The following GIPR variants were observed in gnomAD, a reference collection of about 807,000 sequenced individuals.
GIPR encodes gastric inhibitory polypeptide receptor, also known as GIP-R.
Under a neutral mutation model 62.2 loss-of-function variants are expected in GIPR, and 74 were observed. The observed-to-expected ratio is 1.19, with a 90% CI of 0.99 to 1.44. The LOEUF (loss-of-function observed/expected upper bound fraction) is 1.44, where lower values mean the gene tolerates loss of function less well. Among genes scored for constraint, GIPR ranks in the 40% most tolerant of loss-of-function variants. The probability of loss-of-function intolerance (pLI) is 0.00; values close to 1 mark genes in which losing one functional copy is unlikely to be tolerated. For synonymous variants in GIPR, 256 were observed against 262.2 expected (o/e 0.98, Z 0.23); for missense variants, 664 against 611.8 (o/e 1.09, Z -0.90).
rs1052964384 is a variant in GIPR at position 45,671,348 on chromosome 19, C to T, written c.236C>T (p.Thr79Ile). 2 of 1,612,566 alleles carry T rather than the reference C, an allele frequency of 1.2e-6. No homozygotes were observed. Among genetic ancestry groups the T allele is most frequent in the Non-Finnish European group, 1.7e-6 (2 of 1,179,784 alleles). ...VCWDYAAPNA[T>I]ARASCPWYLP... ...TGGGACTATGCTGCACCCAATGCCA[C>T]TGCCCGTGCGTCCTGCCCCTGGTAC... Residue 79 changes from threonine to isoleucine, a missense_variant, in exon 4 of 14, where the codon ACT becomes ATT. Physicochemically the swap from Thr to Ile is moderately conservative, Grantham distance 89 (BLOSUM62 -1). Coordinates refer to ENST00000590918, the MANE Select transcript of GIPR (RefSeq NM_000164.4).
intron 5 of GIPR, among the ~76,000 whole-genome samples, chr19:45,673,497 T>G (rs1308460578): frequency 6.6e-6 from 1 of 150,842 alleles, no homozygotes; most frequent in Non-Finnish European, 1.5e-5. Context: ...TCCAACACTT[T>G]GAGAAGATGA....
chr19:45,670,644 A>G lies in GIPR; in HGVS notation c.82A>G (p.Lys28Glu). The G allele has an allele frequency of 6.2e-7, 1 of 1,611,686 alleles. No homozygotes were observed. The highest frequency in any genetic ancestry group is 8.5e-7 in the Non-Finnish European group (1 of 1,178,316). The change falls in exon 3 of 14, where the codon AAG becomes GAG. Residue 28 changes from lysine to glutamate, a missense_variant. Physicochemically the swap from Lys to Glu is moderately conservative, Grantham distance 56. Coordinates refer to ENST00000590918, the MANE Select transcript of GIPR (RefSeq NM_000164.4). Reference sequence around the variant, plus strand: ...TTCTTTCTTTTCCTAGACAGGCTCTAAGGGGCAGACGGCGGGGGAGCTGTA... The same window carrying G: ...TTCTTTCTTTTCCTAGACAGGCTCTGAGGGGCAGACGGCGGGGGAGCTGTA... Reference protein sequence around the residue: ...LLLQRAETGSKGQTAGELYQR... With the variant: ...LLLQRAETGSEGQTAGELYQR...
Position 45,676,930 on chromosome 19 carries a change from C to A in GIPR, c.634-19C>A. On this transcript the variant is annotated intron_variant, in intron 7 of 13. Transcript: ENST00000590918. Reference sequence around the variant, plus strand: ...CGGGCAGCGCTGACTACCCCTCTACCGGTCTGGCCCCTCCCTAGGCCCTCG... The same window carrying A: ...CGGGCAGCGCTGACTACCCCTCTACAGGTCTGGCCCCTCCCTAGGCCCTCG... 6.2e-7 allele frequency: 1 copy of A among 1,612,724 alleles called. No homozygotes were observed. The highest frequency in any genetic ancestry group is 8.5e-7 in the Non-Finnish European group (1 of 1,179,480).
chr19:45,677,285 T>C, intron 8 of GIPR, 38 bp from the exon 9 acceptor site: 2 of 1,120,916 alleles, frequency 1.8e-6, no homozygotes, highest in Non-Finnish European at 1.3e-6. Flanking sequence ...CGCTGACAGC[T>C]GCGGCGGGGT....
chr19:45,677,116 C>T lies in GIPR; in HGVS notation c.793+8C>T, dbSNP rs558718949. On this transcript the variant is annotated splice_region_variant and intron_variant, in intron 8 of 13. Transcript: ENST00000590918. ...ACCTGCTCCTCGGCTGGGGTGAGCTCCGATCCCGTCCCCCGCCCAACCCAG... is the reference window on the plus strand; with the variant it reads ...ACCTGCTCCTCGGCTGGGGTGAGCTTCGATCCCGTCCCCCGCCCAACCCAG... The T allele has an allele frequency of 6.2e-7, 1 of 1,612,538 alleles. No individual in the cohort carries two copies. Among genetic ancestry groups the T allele is most frequent in the East Asian group, 2.2e-5 (1 of 44,870 alleles).
chr19:45,678,050 A>G (rs756629966), intron 11 of GIPR, 38 bp from the exon 12 acceptor site: 2 of 1,611,794 alleles, frequency 1.2e-6, no homozygotes, highest in Admixed American at 1.7e-5. Context: ...ATGGGGAACC[A>G]GGGCTGCGGG....
At chr19:45,676,426 ATTT>A (rs869190523) in intron 7 of GIPR, among the ~76,000 whole-genome samples, 76 of 73,702 alleles carry the variant, frequency 1.0e-3, no homozygotes, top group Admixed American at 2.8e-3. Context: ...AAAGAAGCTG[ATTT>A]TTTTTTTTTT....
Position 45,681,687 on chromosome 19 carries a change from G to C in GIPR, c.1194+42G>C, listed in dbSNP as rs1967238873. On this transcript the variant is annotated intron_variant, in intron 13 of 13. Coordinates refer to ENST00000590918, the MANE Select transcript of GIPR (RefSeq NM_000164.4). ...CCGCCGCCCCCGCCCTCTGGCGGCA[G>C]CGCGGGGTACGGCGCCGCCTCTGAG... The C allele has an allele frequency of 3.1e-6, 5 of 1,611,846 alleles. No individual in the cohort carries two copies. In the South Asian group the frequency reaches 4.4e-5, roughly 14 times the overall value.
chr19:45,672,230 G>A (rs1428651532), intron 4 of GIPR, among the ~76,000 whole-genome samples: 1 of 150,650 alleles, frequency 6.6e-6, no homozygotes, highest in Non-Finnish European at 1.5e-5. Flanking sequence ...TACCCAGGCT[G>A]GTCTTAAACT....
In GIPR at chr19:45,673,419, C is replaced by CAA. The variant is rs71175203; in HGVS notation, c.384+488_384+489dup. Among the ~76,000 whole-genome samples the CAA allele has an allele frequency of 2.1e-3, 173 of 82,526 alleles. 1 individual carries two copies. Among genetic ancestry groups the CAA allele is most frequent in the Non-Finnish European group, 2.5e-3 (103 of 40,744 alleles). 54.1% of individuals were successfully genotyped at this position (82,526 alleles called of 152,430 possible). A position where few individuals can be genotyped will look rare whatever the true frequency, so the allele number is the denominator to read the frequency against. On this transcript the variant is annotated intron_variant, in intron 5 of 13. Transcript: ENST00000590918. ...TGAGTAACAGAGCGAGACTCCATCT[C>CAA]AAAAAAAAAAAAAAAAAAAAAAAAG...
intron 5 of GIPR, among the ~76,000 whole-genome samples, chr19:45,673,193 G>T (rs1975635689): frequency 6.6e-6 from 1 of 152,134 alleles, no homozygotes; most frequent in South Asian, 2.1e-4. Flanking sequence ...GCCAAGGAGG[G>T]TGGATCACTT....
At chr19:45,679,492 A>AAC (rs1461443577) in intron 12 of GIPR, among the ~76,000 whole-genome samples, 1 of 151,714 alleles carries the variant, frequency 6.6e-6, no homozygotes, top group Non-Finnish European at 1.5e-5. Flanking sequence ...AGAAAAAAAA[A>AAC]AAAAAAAAGG....
chr19:45,681,856 C>G lies in GIPR; in HGVS notation c.1322C>G (p.Pro441Arg), dbSNP rs767350180. The part of the protein sequence containing the change: ...LPSGSGPGEV[P>R]TSRGLSSGTL... ...TCCGGCTCCGGCCCGGGCGAGGTCC[C>G]CACCAGCCGCGGCTTGTCCTCGGGG... The change falls in exon 14 of 14, where the codon CCC (proline) becomes CGC (arginine). Residue 441 changes from proline to arginine, a missense_variant. Transcript: ENST00000590918. 3 of 1,554,184 alleles carry G rather than the reference C, an allele frequency of 1.9e-6. No individual in the cohort carries two copies. Among genetic ancestry groups the G allele is most frequent in the South Asian group, 2.4e-5 (2 of 84,302 alleles).
intron 3 of GIPR, among the ~76,000 whole-genome samples, chr19:45,671,030 G>A (rs961643260): frequency 3.9e-5 from 6 of 152,012 alleles, no homozygotes; most frequent in Non-Finnish European, 8.8e-5. Flanking sequence ...GACGATCTGG[G>A]GCGGGGACTT....
intron 11 of GIPR, 22 bp downstream of exon 11, chr19:45,678,016 C>A (rs370625819): frequency 1.2e-6 from 2 of 1,612,676 alleles, no homozygotes; most frequent in African/African-American, 1.3e-5. Flanking sequence ...CGTTGGGGAC[C>A]GAGGGGAAGG....
intron 7 of GIPR, among the ~76,000 whole-genome samples, chr19:45,676,032 C>T (rs986096797): frequency 8.6e-5 from 13 of 151,856 alleles, no homozygotes; most frequent in African/African-American, 3.1e-4. Context: ...AGTGAAACCC[C>T]GTCTCTACTA....
At chr19:45,678,615 G>A (rs905739377) in intron 12 of GIPR, among the ~76,000 whole-genome samples, 10 of 152,106 alleles carry the variant, frequency 6.6e-5, no homozygotes, top group African/African-American at 1.7e-4. Flanking sequence ...CACCCGCCTC[G>A]GCCTCCCAAA....
intron 3 of GIPR, 95 bp from the exon 4 acceptor site, chr19:45,671,190 C>T (rs1975519346): frequency 2.5e-6 from 2 of 786,876 alleles, no homozygotes; most frequent in African/African-American, 1.7e-5. Context: ...AAGCACTTGG[C>T]CCACTGCGGA....
At chr19:45,681,507 C>A (rs1053848741) in intron 12 of GIPR, 97 bp from the exon 13 acceptor site, 1 of 1,099,940 alleles carries the variant, frequency 9.1e-7, no homozygotes, top group Non-Finnish European at 1.4e-6. Context: ...TAAAAACAAA[C>A]AAACAAACAA....
Sources: allele counts gnomAD v4.1 joint callset (sites outside exome capture counted in the v4.1 genomes callset), GRCh38; gene constraint gnomAD v4.1.1; transcripts MANE v1.5; gene names NCBI Gene and HGNC (gene_info 2026-07-23, HGNC 2026-07-21).